Variants in SYT16 observed in about 807,000 individuals in gnomAD.
SYT16 encodes synaptotagmin-16.
A neutral mutation model predicts 61.4 loss-of-function variants in SYT16; 42 were observed. The observed-to-expected ratio is 0.68, with a 90% CI of 0.53 to 0.89. The LOEUF (loss-of-function observed/expected upper bound fraction) is 0.89, where lower values mean the gene tolerates loss of function less well. Ranked by LOEUF, SYT16 falls within the 40% of genes least tolerant of loss-of-function variation. SYT16 has a pLI of 0.00. For synonymous variants in SYT16, 314 were observed against 302.3 expected (o/e 1.04, Z -0.40); for missense variants, 804 against 807.3 (o/e 1.00, Z 0.05).
In SYT16 at chr14:61,938,060, G is replaced by C. The variant is rs897722647; in HGVS notation, c.-324-32072G>C. ...ACACACACACACACACACACACACA[G>C]AGTGTTTCAGACAGGAAACTTGGAG... On this transcript the variant is annotated intron_variant, in intron 1 of 7. Coordinates refer to ENST00000683842, the MANE Select transcript of SYT16 (RefSeq NM_001367656.1). 7.8e-4 allele frequency among the ~76,000 whole-genome samples: 20 copies of C among 25,774 alleles called. No individual in the cohort carries two copies. In the South Asian group the frequency reaches 9.3e-3, roughly 12 times the overall value. 16.9% of individuals were successfully genotyped at this position (25,774 alleles called of 152,430 possible). A position where few individuals can be genotyped will look rare whatever the true frequency, so the allele number is the denominator to read the frequency against.
At chr14:61,980,850 C>T (rs1405276610) in intron 2 of SYT16, among the ~76,000 whole-genome samples, 2 of 152,310 alleles carry the variant, frequency 1.3e-5, no homozygotes, top group South Asian at 4.1e-4. Context: ...CTGAGACCAT[C>T]TTGCTCATTG....
At chr14:61,865,754 T>A (rs1167291101) in intron 1 of SYT16, among the ~76,000 whole-genome samples, 2 of 151,990 alleles carry the variant, frequency 1.3e-5, no homozygotes, top group African/African-American at 4.8e-5. Flanking sequence ...GGAATCATCA[T>A]TTTTTTTCAG....
intron 5 of SYT16, among the ~76,000 whole-genome samples, chr14:62,076,118 G>T (rs1206918293): frequency 6.6e-6 from 1 of 152,146 alleles, no homozygotes; most frequent in Non-Finnish European, 1.5e-5. Context: ...CATTTATTGA[G>T]CAGTTAATAT....
intron 3 of SYT16, among the ~76,000 whole-genome samples, chr14:62,048,927 T>C (rs1258495701): frequency 1.3e-5 from 2 of 152,182 alleles, no homozygotes; most frequent in Non-Finnish European, 1.5e-5. Flanking sequence ...AGGTGTGGTG[T>C]GGTGCTGAAA....
intron 3 of SYT16, among the ~76,000 whole-genome samples, chr14:62,060,440 G>C (rs891325583): frequency 3.3e-5 from 5 of 150,088 alleles, no homozygotes; most frequent in Admixed American, 1.3e-4. Flanking sequence ...GTTGATTTTA[G>C]CTATAGGGTT....
chr14:61,831,980 C>G, intron 1 of SYT16: 1 of 602,166 alleles, frequency 1.7e-6, no homozygotes, highest in Non-Finnish European at 3.2e-6. Flanking sequence ...CAAAGGTGTG[C>G]GGGATGGGGC....
At chr14:61,914,672 G>T (rs1248136811) in intron 1 of SYT16, among the ~76,000 whole-genome samples, 1 of 152,116 alleles carries the variant, frequency 6.6e-6, no homozygotes, top group Non-Finnish European at 1.5e-5. Flanking sequence ...CTATCTATCA[G>T]TCATCCCAAC....
At chr14:62,061,216 G>A (rs546796995) in intron 3 of SYT16, among the ~76,000 whole-genome samples, 1 of 152,076 alleles carries the variant, frequency 6.6e-6, no homozygotes, top group South Asian at 2.1e-4. Context: ...ACAATCCCTA[G>A]AACAACCGTT....
At chr14:62,026,402 G>T (rs889866767) in intron 3 of SYT16, among the ~76,000 whole-genome samples, 2 of 152,180 alleles carry the variant, frequency 1.3e-5, no homozygotes, top group Non-Finnish European at 2.9e-5. Flanking sequence ...GGTGTCTGGT[G>T]TCTGGTGAAG....
intron 1 of SYT16, among the ~76,000 whole-genome samples, chr14:61,958,489 T>C (rs931401559): frequency 1.3e-5 from 2 of 152,036 alleles, no homozygotes; most frequent in African/African-American, 2.4e-5. Flanking sequence ...TTGATAAATA[T>C]TAATTTCCTT....
intron 3 of SYT16, among the ~76,000 whole-genome samples, chr14:62,015,559 T>C (rs1415753463): frequency 6.6e-6 from 1 of 152,170 alleles, no homozygotes; most frequent in African/African-American, 2.4e-5. Context: ...CCTCCACAGA[T>C]TCACATGTTA....
intron 1 of SYT16, among the ~76,000 whole-genome samples, chr14:61,931,090 C>T (rs947576395): frequency 2.0e-5 from 3 of 152,182 alleles, no homozygotes; most frequent in African/African-American, 7.2e-5. Flanking sequence ...TCTGGAGTGC[C>T]CCATTCCAAT....
intron 1 of SYT16, among the ~76,000 whole-genome samples, chr14:61,907,247 T>C (rs939802332): frequency 6.6e-5 from 10 of 152,222 alleles, no homozygotes; most frequent in African/African-American, 1.9e-4. Flanking sequence ...TTTGAGTATT[T>C]TCAGTAAAAC....
intron 3 of SYT16, among the ~76,000 whole-genome samples, chr14:62,047,384 TG>T (rs1301026048): frequency 3.3e-5 from 5 of 152,266 alleles, no homozygotes; most frequent in African/African-American, 1.2e-4. Flanking sequence ...GCTGAGACAA[TG>T]GGGTTTTCTA....
chr14:61,973,191 T>G (rs2051637138), intron 2 of SYT16, among the ~76,000 whole-genome samples: 2 of 152,218 alleles, frequency 1.3e-5, no homozygotes, highest in African/African-American at 4.8e-5. Flanking sequence ...CAAAATGATT[T>G]GCTTGACAAA....
rs1157398318 is a variant in SYT16, at chr14:62,108,567, C to T, written c.*7860C>T. On this transcript the variant is annotated 3_prime_UTR_variant, in exon 8 of 8. Transcript: ENST00000683842. ...CCTTGACCAAAGCTTACTAATTTTG[C>T]CACATTTCCTTGTGGGTTATGATAA... is the stretch of plus-strand genomic sequence containing the variant. The T allele has an allele frequency of 6.6e-6, 1 of 152,104 alleles. No homozygotes were observed. Among genetic ancestry groups the T allele is most frequent in the East Asian group, 1.9e-4 (1 of 5,198 alleles). 9.4% of individuals were successfully genotyped at this position (152,104 alleles called of 1,614,324 possible).
At chr14:61,899,726 T>C (rs1042409342) in intron 1 of SYT16, among the ~76,000 whole-genome samples, 2 of 152,162 alleles carry the variant, frequency 1.3e-5, no homozygotes, top group Admixed American at 1.3e-4. Context: ...GGAAACTGAA[T>C]CCTAGATGAA....
At chr14:61,850,183 G>T in intron 1 of SYT16, among the ~76,000 whole-genome samples, 1 of 150,908 alleles carries the variant, frequency 6.6e-6, no homozygotes, top group East Asian at 1.9e-4. Flanking sequence ...CACCCAGGCT[G>T]GAGTGCAATG....
intron 2 of SYT16, among the ~76,000 whole-genome samples, chr14:61,987,176 G>A (rs2052352283): frequency 6.6e-6 from 1 of 152,122 alleles, no homozygotes; most frequent in East Asian, 1.9e-4. Flanking sequence ...GATGGGCACT[G>A]TCAGGGTCAG....
Sources: allele counts gnomAD v4.1 joint callset (sites outside exome capture counted in the v4.1 genomes callset), GRCh38; gene constraint gnomAD v4.1.1; transcripts MANE v1.5; gene names NCBI Gene and HGNC (gene_info 2026-07-23, HGNC 2026-07-21).